The following PCDHGA12 variants were observed in gnomAD, a reference collection of about 807,000 sequenced individuals.
PCDHGA12 encodes protocadherin gamma-A12.
A neutral mutation model predicts 61.1 loss-of-function variants in PCDHGA12; 43 were observed. That is an observed-to-expected ratio of 0.70 (90% CI 0.55 to 0.91). The LOEUF (loss-of-function observed/expected upper bound fraction) is 0.91, where lower values mean the gene tolerates loss of function less well. Ranked by LOEUF, PCDHGA12 falls within the 40% of genes least tolerant of loss-of-function variation. The pLI is 0.00. For synonymous variants in PCDHGA12, 520 were observed against 542.9 expected (o/e 0.96, Z 0.59); for missense variants, 1,236 against 1,227.7 (o/e 1.01, Z -0.10).
Position 141,432,226 on chromosome 5 carries a change from T to C in PCDHGA12, c.1467T>C (p.Tyr489=). Residue 489 remains tyrosine (Y), a synonymous_variant, in exon 1 of 4, where the codon TAT becomes TAC. Coordinates refer to ENST00000252085, the MANE Select transcript of PCDHGA12 (RefSeq NM_003735.3). The surrounding 1 kb of genome is among the most constrained non-coding windows in gnomAD (Gnocchi z 6.0). ...PDCEENAQIT[Y]SLAENTIQGA... is the part of the protein sequence containing the mutation. ...GTGAAGAGAACGCCCAGATCACTTATTCCCTGGCTGAGAACACCATCCAAG... is the reference window on the plus strand; with the variant it reads ...GTGAAGAGAACGCCCAGATCACTTACTCCCTGGCTGAGAACACCATCCAAG... 4 of 1,614,198 alleles carry C rather than the reference T, an allele frequency of 2.5e-6. No individual in the cohort carries two copies. The highest frequency in any genetic ancestry group is 3.4e-6 in the Non-Finnish European group (4 of 1,180,028).
At chr5:141,475,813 T>C in intron 1 of PCDHGA12, 1 of 334,788 alleles carries the variant, frequency 3.0e-6, no homozygotes, top group East Asian at 5.5e-5. Flanking sequence ...GAAAGTGAAG[T>C]TCCTGGCGCT....
intron 1 of PCDHGA12, among the ~76,000 whole-genome samples, chr5:141,450,696 A>G (rs943551061): frequency 1.3e-5 from 2 of 152,164 alleles, no homozygotes; most frequent in East Asian, 3.9e-4. Flanking sequence ...CATGTTGCCC[A>G]GGATGGTCTC....
intron 1 of PCDHGA12, chr5:141,478,068 A>G (rs560968418): frequency 3.7e-6 from 6 of 1,614,134 alleles, no homozygotes; most frequent in East Asian, 4.5e-5. Flanking sequence ...ATCAAAGACA[A>G]TGGGGAGCCT....
chr5:141,460,470 A>T (rs2098990057), intron 1 of PCDHGA12, among the ~76,000 whole-genome samples: 1 of 152,110 alleles, frequency 6.6e-6, no homozygotes, highest in South Asian at 2.1e-4. Flanking sequence ...TTTCCAAAGG[A>T]ATATCCAATT....
chr5:141,445,276 C>T (rs761058385), intron 1 of PCDHGA12, among the ~76,000 whole-genome samples: 1 of 152,218 alleles, frequency 6.6e-6, no homozygotes, highest in Non-Finnish European at 1.5e-5. Flanking sequence ...AACCACTCTG[C>T]ATAAGTTCAG....
rs182905441 is a variant in PCDHGA12, at chr5:141,450,871, C to A, written c.2424+17688C>A. Among the ~76,000 whole-genome samples, 581 of 149,672 alleles carry A rather than the reference C, an allele frequency of 3.9e-3. 6 individuals carry two copies. Among genetic ancestry groups the A allele is most frequent in the Admixed American group, 0.011 (168 of 14,998 alleles). ...ATGGGGTCTTGCTCTGTCACCCAGGCTGGTGTGCAGTGGTGCGATATCGGC... is the reference window on the plus strand; with the variant it reads ...ATGGGGTCTTGCTCTGTCACCCAGGATGGTGTGCAGTGGTGCGATATCGGC... On this transcript the variant is annotated intron_variant, in intron 1 of 3. Coordinates refer to ENST00000252085, the MANE Select transcript of PCDHGA12 (RefSeq NM_003735.3).
chr5:141,492,303 G>A (rs969991314), intron 1 of PCDHGA12, among the ~76,000 whole-genome samples: 1 of 152,202 alleles, frequency 6.6e-6, no homozygotes, highest in African/African-American at 2.4e-5. Context: ...GCGGACGCAC[G>A]CACGCACTCC....
chr5:141,461,124 A>G (rs992107268), intron 1 of PCDHGA12, among the ~76,000 whole-genome samples: 1 of 151,978 alleles, frequency 6.6e-6, no homozygotes, highest in Admixed American at 6.6e-5. Context: ...TTTTTCATAT[A>G]ATTACTTATT....
rs756464724 is a variant in PCDHGA12, at chr5:141,478,476, A to T, written c.2425-16331A>T. The T allele has an allele frequency of 5.0e-6, 8 of 1,613,838 alleles. 1 individual carries two copies. The South Asian group carries it at 7.7e-5, about 16-fold the overall frequency. The stretch of plus-strand genomic sequence containing the variant: ...GCCAGTCCACTGGCCAGCCGCCAGA[A>T]CACGCTGCGGAGCTGTGATCCGGTG... On this transcript the variant is annotated intron_variant, in intron 1 of 3. Transcript: ENST00000252085.
At position 141,490,221 on chromosome 5, in the gene PCDHGA12, G is replaced by A; in HGVS notation, c.2425-4586G>A. 6.2e-7 allele frequency: 1 copy of A among 1,614,236 alleles called. No individual in the cohort carries two copies. The highest frequency in any genetic ancestry group is 1.1e-5 in the South Asian group (1 of 91,084). ...ATGCAAGAGCCCGTGACCAGGGACAGCCTGCCATGGAGGGCCACTGTGTGA... is the reference window on the plus strand; with the variant it reads ...ATGCAAGAGCCCGTGACCAGGGACAACCTGCCATGGAGGGCCACTGTGTGA... On this transcript the variant is annotated intron_variant, in intron 1 of 3. Transcript: ENST00000252085. The surrounding 1 kb of genome is among the most constrained non-coding windows in gnomAD (Gnocchi z 5.4).
At chr5:141,461,185 C>T (rs2154567265) in intron 1 of PCDHGA12, among the ~76,000 whole-genome samples, 1 of 152,134 alleles carries the variant, frequency 6.6e-6, no homozygotes, top group East Asian at 1.9e-4. Context: ...AATGGTAGAT[C>T]TGTTTTTTGC....
intron 1 of PCDHGA12, among the ~76,000 whole-genome samples, chr5:141,483,218 A>G (rs2099578440): frequency 6.6e-6 from 1 of 152,188 alleles, no homozygotes; most frequent in Admixed American, 6.5e-5. Flanking sequence ...GATGACAGTC[A>G]CTGCAGAAAT....
At chr5:141,463,587 T>TA (rs2099064735) in intron 1 of PCDHGA12, among the ~76,000 whole-genome samples, 1 of 152,058 alleles carries the variant, frequency 6.6e-6, no homozygotes, top group East Asian at 1.9e-4. Context: ...TAGCTGGGAC[T>TA]ACAGGTGCCT....
At chr5:141,506,226 G>A (rs1248069119) in intron 3 of PCDHGA12, among the ~76,000 whole-genome samples, 3 of 152,152 alleles carry the variant, frequency 2.0e-5, no homozygotes, top group Non-Finnish European at 1.5e-5. Flanking sequence ...TGAGGCAGGA[G>A]GATCATGAGG....
chr5:141,511,129 G>A lies in PCDHGA12; in HGVS notation c.2755G>A (p.Gly919Ser). ...GCGGGATGGCAAGGCCCCAGCAGGT[G>A]GCAATGGCAACAAGAAGAAGTCGGG... ...GKRDGKAPAGGNGNKKKSGKK... is the reference protein window; with the variant it reads ...GKRDGKAPAGSNGNKKKSGKK... Residue 919 changes from glycine to serine, a missense_variant, in exon 4 of 4, where the codon GGC becomes AGC. By Grantham distance (56) the Gly-to-Ser change is moderately conservative. Coordinates refer to ENST00000252085, the MANE Select transcript of PCDHGA12 (RefSeq NM_003735.3). 1 of 1,614,204 alleles carries A rather than the reference G, an allele frequency of 6.2e-7. No individual in the cohort carries two copies. Among genetic ancestry groups the A allele is most frequent in the Non-Finnish European group, 8.5e-7 (1 of 1,180,014 alleles).
chr5:141,433,358 C>T (rs974347696), intron 1 of PCDHGA12, 175 bp downstream of exon 1: 20 of 503,934 alleles, frequency 4.0e-5, no homozygotes, highest in African/African-American at 3.1e-4. Flanking sequence ...CTACTGTCTG[C>T]CTATCTATCT....
Position 141,431,581 on chromosome 5 carries a change from T to C in PCDHGA12, c.822T>C (p.Asn274=). The C allele has an allele frequency of 1.2e-6, 2 of 1,614,160 alleles. No individual in the cohort carries two copies. Among genetic ancestry groups the C allele is most frequent in the Non-Finnish European group, 1.7e-6 (2 of 1,180,022 alleles). ...CTACCGACCCTGACGAAGGAGTCAA[T>C]GCGGAAGTGAGGTATTCCTTCCGGT... The part of the protein sequence containing the change: ...VNATDPDEGV[N]AEVRYSFRYV... Residue 274 remains asparagine, a synonymous_variant, in exon 1 of 4, where the codon AAT becomes AAC. Transcript: ENST00000252085. This position sits in a 1 kb window ranked among gnomAD's most constrained non-coding sequence, Gnocchi z 4.8.
intron 1 of PCDHGA12, among the ~76,000 whole-genome samples, chr5:141,454,065 G>A (rs1167102666): frequency 1.3e-5 from 2 of 152,204 alleles, no homozygotes; most frequent in Non-Finnish European, 2.9e-5. Flanking sequence ...AGAAACAAAA[G>A]TGATAATGTT....
At chr5:141,500,241 C>T (rs1284996879) in intron 2 of PCDHGA12, among the ~76,000 whole-genome samples, 18 of 150,770 alleles carry the variant, frequency 1.2e-4, no homozygotes, top group Non-Finnish European at 1.5e-5. Flanking sequence ...CGTAGCCTTG[C>T]TCTGTCACCC....
Sources: gnomAD v4.1 joint callset for allele counts (sites outside exome capture counted in the v4.1 genomes callset) on GRCh38, gnomAD v4.1.1 for gene constraint, Gnocchi (gnomAD v3.1) non-coding constraint, MANE v1.5 for transcripts, NCBI Gene and HGNC (gene_info 2026-07-23, HGNC 2026-07-21) for gene names.